Variants in GLT1D1 observed in about 807,000 individuals in gnomAD.
The protein encoded by GLT1D1 is glycosyltransferase 1 domain containing 1, also known as glycosyltransferase 1 domain-containing protein 1.
In GLT1D1, 21 loss-of-function variants were observed where a neutral mutation model predicts 28.7. The observed-to-expected ratio is 0.73, with a 90% CI of 0.52 to 1.05. GLT1D1 has a LOEUF of 1.05. Among genes scored for constraint, GLT1D1 ranks in the 50% least tolerant of loss-of-function variants. The pLI is 0.00. For synonymous variants in GLT1D1, 147 were observed against 124.8 expected, an observed-to-expected ratio of 1.18 and a Z score of -1.19; for missense variants, 343 against 330.6, an observed-to-expected ratio of 1.04 and a Z score of -0.29.
At chr12:128,954,288 A>ATTTTT (rs34911662) in intron 6 of GLT1D1, among the ~76,000 whole-genome samples, 2 of 139,010 alleles carry the variant, frequency 1.4e-5, no homozygotes, top group Non-Finnish European at 3.1e-5. Flanking sequence ...CACCCGGCTA[A>ATTTTT]TTTTTTTTTT....
intron 4 of GLT1D1, among the ~76,000 whole-genome samples, chr12:128,931,913 G>GCACA (rs139121648): frequency 3.1e-5 from 4 of 127,110 alleles, no homozygotes; most frequent in South Asian, 4.5e-4. Flanking sequence ...GCACACACAC[G>GCACA]CACGCACACA....
rs747883586 is a variant in GLT1D1, at chr12:128,876,045, GA to G, written c.201del (p.Gly68AlafsTer20). Reference sequence around the variant, plus strand: ...GCCCTGGCTCTTCATCTCTATAGGGGAGGCAGGCTTTTGCAAGGTAATCCTC... The same window carrying G: ...GCCCTGGCTCTTCATCTCTATAGGGGGGCAGGCTTTTGCAAGGTAATCCTC... On this transcript the variant is annotated frameshift_variant, in exon 2 of 8. Transcript: ENST00000281703. LOFTEE classifies it high-confidence loss of function. The G allele has an allele frequency of 3.5e-5, 56 of 1,604,378 alleles. No individual in the cohort carries two copies. Among genetic ancestry groups the G allele is most frequent in the Non-Finnish European group, 4.8e-5 (56 of 1,177,320 alleles).
intron 4 of GLT1D1, among the ~76,000 whole-genome samples, chr12:128,935,878 G>A (rs1191321388): frequency 6.6e-6 from 1 of 152,204 alleles, no homozygotes; most frequent in Non-Finnish European, 1.5e-5. Flanking sequence ...ATCATTCAAT[G>A]CTAACCGCTG....
Position 128,926,193 on chromosome 12 carries a change from C to CAATAATAAT in GLT1D1, c.376-19097_376-19089dup, listed in dbSNP as rs34967915. Among the ~76,000 whole-genome samples, 1,303 of 132,932 alleles carry CAATAATAAT rather than the reference C, an allele frequency of 9.8e-3. 12 individuals are homozygous for CAATAATAAT. Among genetic ancestry groups the CAATAATAAT allele is most frequent in the African/African-American group, 0.026 (915 of 35,420 alleles). The allele number at this position is 132,932 out of a possible 152,430, so 87.2% of individuals were successfully genotyped here. Reference sequence around the variant, plus strand: ...TGGACAACAGAGCAAGACTCTGTCTCAATAATAATAATAATAATAATAATA... The same window carrying CAATAATAAT: ...TGGACAACAGAGCAAGACTCTGTCTCAATAATAATAATAATAATAATAATAATAATAATA... On this transcript the variant is annotated intron_variant, in intron 4 of 7. Coordinates refer to ENST00000281703, the MANE Select transcript of GLT1D1 (RefSeq NM_144669.3).
chr12:128,902,313 G>A (rs997740574), intron 4 of GLT1D1, among the ~76,000 whole-genome samples: 2 of 150,812 alleles, frequency 1.3e-5, no homozygotes, highest in African/African-American at 2.5e-5. Flanking sequence ...GAGAAACCCC[G>A]ACTCTACTAA....
At position 128,950,606 on chromosome 12, in the gene GLT1D1, GC is replaced by G. The variant is rs749418034; in HGVS notation, c.540+3156del. On this transcript the variant is annotated intron_variant, in intron 6 of 7. Coordinates refer to ENST00000281703, the MANE Select transcript of GLT1D1 (RefSeq NM_144669.3). ...AAAAACCATAAATACAGGTGATGGT[GC>G]CCCCCCCTCACAGATCAGCTTCACT... 1.5e-3 allele frequency among the ~76,000 whole-genome samples: 222 copies of G among 151,778 alleles called. 1 individual carries two copies. The highest frequency in any genetic ancestry group is 4.8e-3 in the African/African-American group (197 of 41,352).
chr12:128,905,311 C>T (rs565320874), intron 4 of GLT1D1, among the ~76,000 whole-genome samples: 9 of 152,358 alleles, frequency 5.9e-5, no homozygotes, highest in African/African-American at 1.4e-4. Context: ...GGGCCTTAGA[C>T]GTGCCCTGGA....
chr12:128,906,890 T>C lies in GLT1D1; in HGVS notation c.375+7603T>C, dbSNP rs2135871014. 4.3e-6 allele frequency: 3 copies of C among 702,494 alleles called. No homozygotes were observed. In the East Asian group the frequency reaches 8.0e-5, roughly 19 times the overall value. The allele number at this position is 702,494 out of a possible 1,614,324, so 43.5% of individuals were successfully genotyped here. The stretch of plus-strand genomic sequence containing the variant: ...GTACATTTACTCATCAAAATTCTTT[T>C]GGAAATTAAAATATAGAAAGCAAGA... On this transcript the variant is annotated intron_variant, in intron 4 of 7. Transcript: ENST00000281703.
At chr12:128,931,411 G>T (rs1873871817) in intron 4 of GLT1D1, among the ~76,000 whole-genome samples, 1 of 151,486 alleles carries the variant, frequency 6.6e-6, no homozygotes, top group South Asian at 2.1e-4. Context: ...GGGTTCAAGC[G>T]ACTCTCCTGT....
At position 128,926,458 on chromosome 12, in the gene GLT1D1, T is replaced by G; in HGVS notation, c.376-18868T>G. 4 of 1,465,686 alleles carry G rather than the reference T, an allele frequency of 2.7e-6. No individual in the cohort carries two copies. The highest frequency in any genetic ancestry group is 3.7e-6 in the Non-Finnish European group (4 of 1,083,666). The allele number at this position is 1,465,686 out of a possible 1,614,324, so 90.8% of individuals were successfully genotyped here. On this transcript the variant is annotated intron_variant, in intron 4 of 7. Coordinates refer to ENST00000281703, the MANE Select transcript of GLT1D1 (RefSeq NM_144669.3). Reference sequence around the variant, plus strand: ...TATCTGGTGGACGCATTTTCAGGTGTGTTTGCTGGCTACCTTCCTCCACTG... The same window carrying G: ...TATCTGGTGGACGCATTTTCAGGTGGGTTTGCTGGCTACCTTCCTCCACTG...
chr12:128,957,491 G>A (rs1020958552), intron 6 of GLT1D1, 54 bp from the exon 11 acceptor site: 21 of 1,243,424 alleles, frequency 1.7e-5, no homozygotes, highest in East Asian at 4.7e-5. Context: ...TCATCTTGCC[G>A]CAGAGGCTCT....
chr12:128,913,529 C>T (rs189090731), intron 4 of GLT1D1, among the ~76,000 whole-genome samples: 2 of 152,268 alleles, frequency 1.3e-5, no homozygotes, highest in African/African-American at 2.4e-5. Flanking sequence ...CCTCTCTAAA[C>T]ACAGTTTGTA....
chr12:128,970,379 G>A (rs1189489081), intron 7 of GLT1D1, among the ~76,000 whole-genome samples: 1 of 152,216 alleles, frequency 6.6e-6, no homozygotes, highest in Non-Finnish European at 1.5e-5. Context: ...TGCAAACGCA[G>A]CTGGACCCCA....
At chr12:128,961,531 G>A (rs554826712) in intron 7 of GLT1D1, among the ~76,000 whole-genome samples, 3 of 152,334 alleles carry the variant, frequency 2.0e-5, no homozygotes, top group African/African-American at 7.2e-5. Flanking sequence ...GGAACTGGAG[G>A]TCATTATATT....
intron 1 of GLT1D1, among the ~76,000 whole-genome samples, chr12:128,864,615 G>A (rs1051906310): frequency 8.5e-5 from 13 of 152,208 alleles, no homozygotes; most frequent in African/African-American, 2.7e-4. Flanking sequence ...GTCCTTTTGC[G>A]ATGAGCAGGG....
At chr12:128,923,147 A>G (rs962096907) in intron 4 of GLT1D1, among the ~76,000 whole-genome samples, 4 of 152,198 alleles carry the variant, frequency 2.6e-5, no homozygotes, top group Admixed American at 2.0e-4. Flanking sequence ...TGGTGTCGCC[A>G]TAAGTCATTA....
intron 6 of GLT1D1, among the ~76,000 whole-genome samples, chr12:128,955,568 T>A (rs951989327): frequency 5.3e-5 from 8 of 151,880 alleles, no homozygotes; most frequent in African/African-American, 1.9e-4. Context: ...GCATTGCATT[T>A]GGCTTTGTGT....
chr12:128,977,059 T>C (rs1879834123), intron 7 of GLT1D1, among the ~76,000 whole-genome samples: 1 of 152,156 alleles, frequency 6.6e-6, no homozygotes, highest in Admixed American at 6.5e-5. Flanking sequence ...GGCAGGTGAA[T>C]CGCTTGACCC....
intron 5 of GLT1D1, among the ~76,000 whole-genome samples, chr12:128,946,944 C>T (rs555057597): frequency 3.3e-5 from 5 of 152,146 alleles, no homozygotes; most frequent in South Asian, 2.1e-4. Context: ...CCACTGCACC[C>T]GGCCTATTTC....
Sources: gnomAD v4.1 joint callset for allele counts (sites outside exome capture counted in the v4.1 genomes callset) on GRCh38, gnomAD v4.1.1 for gene constraint, MANE v1.5 for transcripts, NCBI Gene and HGNC (gene_info 2026-07-23, HGNC 2026-07-21) for gene names.